Variants in GYS1 observed in about 807,000 individuals in gnomAD.
GYS1 encodes the protein glycogen synthase 1.
GYS1 carries 60 observed loss-of-function variants against 89.1 expected under a neutral mutation model. The ratio of observed to expected loss-of-function variants is 0.67; its 90% CI spans 0.55 to 0.84. The LOEUF (loss-of-function observed/expected upper bound fraction) is 0.84, where lower values mean the gene tolerates loss of function less well. Among genes scored for constraint, GYS1 ranks in the 40% least tolerant of loss-of-function variants. The pLI, the probability that GYS1 is intolerant of heterozygous loss-of-function variation, is 0.00. For synonymous variants in GYS1, 366 were observed against 401.7 expected (o/e 0.91, Z 1.06); for missense variants, 888 against 1,003.1 (o/e 0.89, Z 1.55).
At chr19:48,990,449 C>T (rs1342853453) in intron 2 of GYS1, among the ~76,000 whole-genome samples, 2 of 152,152 alleles carry the variant, frequency 1.3e-5, no homozygotes, top group Non-Finnish European at 2.9e-5. Flanking sequence ...GGCCTCTCTT[C>T]TGTCCCCAGT....
rs764038596 is a variant in GYS1, at chr19:48,982,710, C to G, written c.941+10G>C. 1 of 1,539,396 alleles carries G rather than the reference C, an allele frequency of 6.5e-7. No individual in the cohort carries two copies. The highest frequency in any genetic ancestry group is 1.1e-5 in the South Asian group (1 of 89,604). The stretch of plus-strand genomic sequence containing the variant: ...TCCTCTCTTAAGACCTAGGTATATG[C>G]CCCACGTACCCATAAAAATGGCCCC... On this transcript the variant is annotated intron_variant, in intron 6 of 15. Coordinates refer to ENST00000323798, the MANE Select transcript of GYS1 (RefSeq NM_002103.5).
rs2038516582 is a variant in GYS1 at position 48,969,425 on chromosome 19, A to G, written c.2077T>C (p.Trp693Arg). Residue 693 changes from tryptophan to arginine, a missense_variant, in exon 16 of 16, where the codon TGG becomes CGG. Physicochemically the swap from Trp to Arg is moderately radical, Grantham distance 101 (BLOSUM62 -3). Coordinates refer to ENST00000323798, the MANE Select transcript of GYS1 (RefSeq NM_002103.5). ...KDRRNIRAPE[W>R]PRRASCTSST... ...GAGGTGCAGGACGCTCGGCGCGGCC[A>G]CTCTGGTGCACGGATGTTGCGCCGG... 1 of 1,545,956 alleles carries G rather than the reference A, an allele frequency of 6.5e-7. No homozygotes were observed. The highest frequency in any genetic ancestry group is 8.7e-7 in the Non-Finnish European group (1 of 1,148,222).
intron 5 of GYS1, among the ~76,000 whole-genome samples, chr19:48,985,071 C>CTG (rs956781825): frequency 5.3e-5 from 8 of 152,202 alleles, no homozygotes; most frequent in African/African-American, 1.9e-4. Context: ...GTCACCCAGG[C>CTG]TGTGACAGGG....
rs371055322 is a variant in GYS1, at chr19:48,991,779, G to A, written c.119-296C>T. ...TCTGAGAGAGAAGGGGCTGGGTGCC[G>A]GGACCCCTTGGTCTGAAGGAATTAG... On this transcript the variant is annotated intron_variant, in intron 1 of 15. Transcript: ENST00000323798. This position sits in a 1 kb window ranked among gnomAD's most constrained non-coding sequence, Gnocchi z 4.7. Among the ~76,000 whole-genome samples the A allele has an allele frequency of 6.6e-6, 1 of 152,008 alleles. No individual in the cohort carries two copies. Among genetic ancestry groups the A allele is most frequent in the Admixed American group, 6.6e-5 (1 of 15,256 alleles).
intron 12 of GYS1, among the ~76,000 whole-genome samples, chr19:48,972,044 A>T (rs892042873): frequency 2.6e-5 from 4 of 151,584 alleles, no homozygotes; most frequent in Admixed American, 6.6e-5. Flanking sequence ...AATAAAAAAA[A>T]AAAAGGCCGG....
chr19:48,974,537 A>T (rs1390201092), intron 11 of GYS1, 83 bp downstream of exon 11: 50 of 1,073,924 alleles, frequency 4.7e-5, no homozygotes, highest in Non-Finnish European at 6.3e-5. Flanking sequence ...GATAAAACTT[A>T]TAGGGGAATG....
At chr19:48,992,807 A>C (rs1404378496) in intron 1 of GYS1, among the ~76,000 whole-genome samples, 188 bp downstream of exon 1, 1 of 151,766 alleles carries the variant, frequency 6.6e-6, no homozygotes, top group Non-Finnish European at 1.5e-5. Flanking sequence ...GCCTCCTTTC[A>C]TCTTAAGTCA....
Position 48,982,239 on chromosome 19 carries a change from A to G in GYS1, c.1062+16T>C, listed in dbSNP as rs369413061. 5 of 1,612,732 alleles carry G rather than the reference A, an allele frequency of 3.1e-6. No individual in the cohort carries two copies. The African/African-American group carries it at 4.0e-5, about 13-fold the overall frequency. On this transcript the variant is annotated intron_variant, in intron 7 of 15. Coordinates refer to ENST00000323798, the MANE Select transcript of GYS1 (RefSeq NM_002103.5). Reference sequence around the variant, plus strand: ...CTTTGCTTGCCCTCCCTGTCCCCTCATAGCCCAGGCCTCACTCTGAGCAGA... The same window carrying G: ...CTTTGCTTGCCCTCCCTGTCCCCTCGTAGCCCAGGCCTCACTCTGAGCAGA...
chr19:48,970,863 CCCAGGAT>C, intron 13 of GYS1, 58 bp downstream of exon 13: 1 of 1,455,230 alleles, frequency 6.9e-7, no homozygotes, highest in Non-Finnish European at 9.7e-7. Flanking sequence ...GCTCCTCCTT[CCCAGGAT>C]CCAGGAGTCA....
chr19:48,970,937 AG>A lies in GYS1; in HGVS notation c.1635del (p.Ser546GlnfsTer56). 6.2e-7 allele frequency: 1 copy of A among 1,611,816 alleles called. No homozygotes were observed. Among genetic ancestry groups the A allele is most frequent in the East Asian group, 2.2e-5 (1 of 44,866 alleles). ...GCFMEEHIAD[P>X]SAYGIYILDR... is the part of the protein sequence containing the mutation. ...GGGCCTGGGCGCTGACCGTAAGCTG[AG>A]GGGTCTGCGATGTGTTCCTCCATGA... On this transcript the variant is annotated frameshift_variant, in exon 13 of 16. Coordinates refer to ENST00000323798, the MANE Select transcript of GYS1 (RefSeq NM_002103.5). LOFTEE classifies it high-confidence loss of function.
At chr19:48,980,343 T>C (rs930764804) in intron 8 of GYS1, among the ~76,000 whole-genome samples, 6 of 152,174 alleles carry the variant, frequency 3.9e-5, no homozygotes, top group Non-Finnish European at 8.8e-5. Flanking sequence ...TACAGGATTT[T>C]CTAGAATACA....
At chr19:48,976,210 T>C (rs1287807476) in intron 10 of GYS1, among the ~76,000 whole-genome samples, 1 of 152,130 alleles carries the variant, frequency 6.6e-6, no homozygotes, top group Non-Finnish European at 1.5e-5. Context: ...TTGGAAATTA[T>C]AGGTTAGCCA....
At position 48,993,139 on chromosome 19, in the gene GYS1, G is replaced by A. The variant is rs533925647; in HGVS notation, c.-27C>T. 3 of 1,307,714 alleles carry A rather than the reference G, an allele frequency of 2.3e-6. No individual in the cohort carries two copies. The highest frequency in any genetic ancestry group is 2.9e-5 in the African/African-American group (2 of 69,160). The allele number at this position is 1,307,714 out of a possible 1,614,324, so 81.0% of individuals were successfully genotyped here. A position where few individuals can be genotyped will look rare whatever the true frequency, so the allele number is the denominator to read the frequency against. On this transcript the variant is annotated 5_prime_UTR_variant, in exon 1 of 16. Transcript: ENST00000323798. ...GCTGGCGCAGGAAGGGGGGCTCCGG[G>A]GATCTCCAGGTAGGGACCCCGGAGG... is the stretch of plus-strand genomic sequence containing the variant.
Position 48,968,703 on chromosome 19 carries a change from C to G in GYS1, c.*585G>C. Reference sequence around the variant, plus strand: ...GATGGAGGGATCCTCCAGGCAGAGCCTGGCTCTGACATGCCAGGGAGGGCT... The same window carrying G: ...GATGGAGGGATCCTCCAGGCAGAGCGTGGCTCTGACATGCCAGGGAGGGCT... On this transcript the variant is annotated 3_prime_UTR_variant, in exon 16 of 16. Coordinates refer to ENST00000323798, the MANE Select transcript of GYS1 (RefSeq NM_002103.5). 2.2e-6 allele frequency: 1 copy of G among 454,140 alleles called. No individual in the cohort carries two copies. Among genetic ancestry groups the G allele is most frequent in the Non-Finnish European group, 4.4e-6 (1 of 226,798 alleles). 28.1% of individuals were successfully genotyped at this position (454,140 alleles called of 1,614,324 possible). A position where few individuals can be genotyped will look rare whatever the true frequency, so the allele number is the denominator to read the frequency against.
rs1255282186 is a variant in GYS1, at chr19:48,974,260, T to C, written c.1502A>G (p.His501Arg). 1 of 1,613,314 alleles carries C rather than the reference T, an allele frequency of 6.2e-7. No individual in the cohort carries two copies. The highest frequency in any genetic ancestry group is 2.2e-5 in the East Asian group (1 of 44,870). ...VDYEEFVRGC[H>R]LGVFPSYYEP... ...ATAGTAGGAGGGGAAGACTCCAAGG[T>C]GACAGCCACGGACAAACTCCTCATA... The change falls in exon 12 of 16, where the codon CAC becomes CGC. Residue 501 changes from histidine (H) to arginine (R), a missense_variant. By Grantham distance (29) the His-to-Arg change is conservative (BLOSUM62 0). Transcript: ENST00000323798.
At chr19:48,973,429 T>G (rs1480186952) in intron 12 of GYS1, among the ~76,000 whole-genome samples, 1 of 152,030 alleles carries the variant, frequency 6.6e-6, no homozygotes, top group Non-Finnish European at 1.5e-5. Context: ...CCGCGACTCC[T>G]AATTATCATG....
chr19:48,979,205 G>C (rs990607526), intron 8 of GYS1, among the ~76,000 whole-genome samples: 1 of 151,888 alleles, frequency 6.6e-6, no homozygotes, highest in African/African-American at 2.4e-5. Flanking sequence ...TCTGAGAAAG[G>C]ACCACTTAGG....
chr19:48,980,705 C>A (rs1002873916), intron 8 of GYS1, among the ~76,000 whole-genome samples: 1 of 151,732 alleles, frequency 6.6e-6, no homozygotes, highest in Non-Finnish European at 1.5e-5. Context: ...CTAAGCCAGG[C>A]GCAGTGGCTC....
At chr19:48,983,520 A>T (rs948937520) in intron 5 of GYS1, among the ~76,000 whole-genome samples, 2 of 152,168 alleles carry the variant, frequency 1.3e-5, no homozygotes, top group Non-Finnish European at 2.9e-5. Context: ...CCTAGGATAT[A>T]TCCTCTACTT....
Sources: allele counts gnomAD v4.1 joint callset (sites outside exome capture counted in the v4.1 genomes callset), GRCh38; gene constraint gnomAD v4.1.1; non-coding constraint Gnocchi (gnomAD v3.1); transcripts MANE v1.5; gene names NCBI Gene and HGNC (gene_info 2026-07-23, HGNC 2026-07-21).